Variants in UQCC1 observed in about 807,000 individuals in gnomAD.
The protein encoded by UQCC1 is bFGF-repressed Zic-binding protein.
UQCC1 carries 38 observed loss-of-function variants against 48.0 expected under a neutral mutation model. The ratio of observed to expected loss-of-function variants is 0.79; its 90% CI spans 0.61 to 1.04. The LOEUF is 1.04. Among genes scored for constraint, UQCC1 ranks in the 50% least tolerant of loss-of-function variants. UQCC1 has a pLI of 0.00. For synonymous variants in UQCC1, 111 were observed against 129.2 expected, an observed-to-expected ratio of 0.86 and a Z score of 0.95; for missense variants, 368 against 381.8, an observed-to-expected ratio of 0.96 and a Z score of 0.30.
At chr20:35,411,316 T>C (rs2146562540) in intron 1 of UQCC1, among the ~76,000 whole-genome samples, 1 of 152,314 alleles carries the variant, frequency 6.6e-6, no homozygotes, top group Non-Finnish European at 1.5e-5. Context: ...CTTCATTCAT[T>C]TATTCAACAA....
At chr20:35,397,359 C>CA (rs2062094967) in intron 1 of UQCC1, among the ~76,000 whole-genome samples, 1 of 150,758 alleles carries the variant, frequency 6.6e-6, no homozygotes, top group Non-Finnish European at 1.5e-5. Context: ...ACTAAAAATA[C>CA]AAAAAAATTA....
intron 1 of UQCC1, among the ~76,000 whole-genome samples, chr20:35,399,429 C>A (rs536473157): frequency 6.6e-6 from 1 of 152,302 alleles, no homozygotes; most frequent in Admixed American, 6.5e-5. Flanking sequence ...TTCCACTCAA[C>A]AGTTTCAACA....
At chr20:35,317,475 G>A (rs2146315616) in intron 7 of UQCC1, among the ~76,000 whole-genome samples, 1 of 152,360 alleles carries the variant, frequency 6.6e-6, no homozygotes, top group South Asian at 2.1e-4. Flanking sequence ...GCTGGAAAAT[G>A]TAGACTGGAT....
chr20:35,368,717 G>A (rs944994910), intron 5 of UQCC1, among the ~76,000 whole-genome samples: 63 of 152,210 alleles, frequency 4.1e-4, no homozygotes, highest in African/African-American at 1.5e-3. Context: ...CAAGCTAGTG[G>A]CAGGGCTGCA....
chr20:35,340,867 G>A (rs942783947), intron 7 of UQCC1, among the ~76,000 whole-genome samples: 2 of 151,960 alleles, frequency 1.3e-5, no homozygotes, highest in Admixed American at 6.6e-5. Flanking sequence ...GATTACAGAG[G>A]CCTGAAAGGA....
intron 4 of UQCC1, 119 bp from the exon 5 acceptor site, chr20:35,374,375 T>C (rs2061771819): frequency 6.3e-6 from 4 of 631,574 alleles, no homozygotes; most frequent in Non-Finnish European, 1.0e-5. Context: ...CAAACCACTC[T>C]CTAGGTAATT....
intron 2 of UQCC1, among the ~76,000 whole-genome samples, chr20:35,387,350 T>C (rs1464033768): frequency 6.6e-6 from 1 of 152,108 alleles, no homozygotes; most frequent in East Asian, 1.9e-4. Flanking sequence ...AAGGGGGTGC[T>C]GGGACAAACT....
At chr20:35,317,716 A>C (rs1162920629) in intron 7 of UQCC1, among the ~76,000 whole-genome samples, 2 of 152,224 alleles carry the variant, frequency 1.3e-5, no homozygotes, top group African/African-American at 4.8e-5. Context: ...CCAGAGCCTA[A>C]CCCAGAGCAG....
intron 6 of UQCC1, among the ~76,000 whole-genome samples, chr20:35,358,937 A>C (rs536795914): frequency 9.9e-5 from 15 of 152,144 alleles, no homozygotes; most frequent in African/African-American, 3.4e-4. Flanking sequence ...CAGTGATTCC[A>C]GTGGCTCATA....
intron 7 of UQCC1, among the ~76,000 whole-genome samples, chr20:35,321,897 T>C (rs1373316030): frequency 6.6e-6 from 1 of 152,072 alleles, no homozygotes; most frequent in African/African-American, 2.4e-5. Context: ...GCTTGGAAAA[T>C]AGCCAAGAGA....
intron 1 of UQCC1, among the ~76,000 whole-genome samples, chr20:35,396,220 A>C (rs1359786674): frequency 6.7e-6 from 1 of 150,122 alleles, no homozygotes; most frequent in African/African-American, 2.5e-5. Context: ...GCTGACCTTA[A>C]GTGATCTACC....
intron 1 of UQCC1, among the ~76,000 whole-genome samples, chr20:35,397,877 A>G (rs973774648): frequency 6.6e-6 from 1 of 152,176 alleles, no homozygotes; most frequent in Non-Finnish European, 1.5e-5. Context: ...AAGTAATTTA[A>G]CCTCTGTGAC....
intron 7 of UQCC1, among the ~76,000 whole-genome samples, chr20:35,338,910 G>GATATATATATATATAT (rs2061347857): frequency 3.0e-5 from 1 of 33,580 alleles, no homozygotes; most frequent in Admixed American, 2.8e-4. Flanking sequence ...TATATATATG[G>GATATATATATATATAT]AGAGATTTTT....
chr20:35,344,701 T>C (rs1056366828), intron 7 of UQCC1: 2 of 152,328 alleles, frequency 1.3e-5, no homozygotes, highest in African/African-American at 4.8e-5. Context: ...AGCTGTGATA[T>C]TGTGAAATAT....
intron 7 of UQCC1, 167 bp downstream of exon 7, chr20:35,346,997 T>G: frequency 6.4e-7 from 1 of 1,552,640 alleles, no homozygotes; most frequent in South Asian, 1.2e-5. Flanking sequence ...CTGTGGAGTA[T>G]TAGTTTCCAC....
intron 8 of UQCC1, among the ~76,000 whole-genome samples, chr20:35,309,450 T>C (rs1321008929): frequency 6.6e-6 from 1 of 150,798 alleles, no homozygotes; most frequent in Non-Finnish European, 1.5e-5. Context: ...AAAAAAAGAA[T>C]AGCTGAATAA....
intron 6 of UQCC1, among the ~76,000 whole-genome samples, chr20:35,363,724 G>A (rs1360868233): frequency 2.0e-5 from 3 of 152,108 alleles, no homozygotes; most frequent in African/African-American, 4.8e-5. Context: ...TGGCGGAGGA[G>A]GCATTATTTC....
At chr20:35,312,697 A>C (rs1485747709) in intron 8 of UQCC1, among the ~76,000 whole-genome samples, 1 of 152,238 alleles carries the variant, frequency 6.6e-6, no homozygotes, top group African/African-American at 2.4e-5. Flanking sequence ...TCATTACACC[A>C]TTCTTTCTAC....
chr20:35,378,597 T>G (rs1421069272), intron 4 of UQCC1, among the ~76,000 whole-genome samples: 1 of 152,144 alleles, frequency 6.6e-6, no homozygotes, highest in Non-Finnish European at 1.5e-5. Flanking sequence ...GCCACTGCAC[T>G]CCAGCCTGGG....
Sources: allele counts gnomAD v4.1 joint callset (sites outside exome capture counted in the v4.1 genomes callset), GRCh38; gene constraint gnomAD v4.1.1; transcripts MANE v1.5; gene names NCBI Gene and HGNC (gene_info 2026-07-23, HGNC 2026-07-21).